SGCE: variants seen among roughly 807,000 people sequenced by gnomAD.
SGCE encodes epsilon-sarcoglycan.
Under a neutral mutation model 57.8 loss-of-function variants are expected in SGCE, and 26 were observed. The observed-to-expected ratio is 0.45, with a 90% CI of 0.33 to 0.62. The LOEUF (loss-of-function observed/expected upper bound fraction) is 0.62, where lower values mean the gene tolerates loss of function less well. Ranked by LOEUF, SGCE falls within the 20% of genes least tolerant of loss-of-function variation. The probability of loss-of-function intolerance (pLI) is 0.02; values close to 1 mark genes in which losing one functional copy is unlikely to be tolerated. For missense variants in SGCE, 468 were observed against 548.6 expected (o/e 0.85, Z 1.47); for synonymous variants, 183 against 189.5 (o/e 0.97, Z 0.28).
chr7:94,650,349 G>A lies in SGCE; in HGVS notation c.109+5641C>T, dbSNP rs139056087. ...AGCCCTAGGTACCCTCGGCATCCACGGCCACTCAGCCCCAGTAGCCTGCTT... is the reference window on the plus strand; with the variant it reads ...AGCCCTAGGTACCCTCGGCATCCACAGCCACTCAGCCCCAGTAGCCTGCTT... On this transcript the variant is annotated intron_variant, in intron 1 of 10. Transcript: ENST00000648936. 2.4e-3 allele frequency among the ~76,000 whole-genome samples: 367 copies of A among 152,230 alleles called. 1 individual carries two copies. Among genetic ancestry groups the A allele is most frequent in the Middle Eastern group, 0.01 (3 of 294 alleles).
chr7:94,585,610 CCATCTTCT>C, intron 10 of SGCE, 95 bp from the exon 11 acceptor site: 1 of 827,308 alleles, frequency 1.2e-6, no homozygotes, highest in Admixed American at 1.7e-5. Context: ...GAGAAAGTTT[CCATCTTCT>C]TAATACAATG....
At chr7:94,592,202 A>T (rs899937651) in intron 9 of SGCE, among the ~76,000 whole-genome samples, 6 of 152,198 alleles carry the variant, frequency 3.9e-5, no homozygotes, top group Admixed American at 2.0e-4. Context: ...CATATTTAAA[A>T]CTGTGTATTT....
chr7:94,609,990 G>A (rs1339811574), intron 5 of SGCE, among the ~76,000 whole-genome samples: 3 of 152,166 alleles, frequency 2.0e-5, no homozygotes, highest in African/African-American at 7.2e-5. Flanking sequence ...TAATTAAACC[G>A]TGGTACATCC....
At chr7:94,610,437 G>T (rs906447505) in intron 5 of SGCE, among the ~76,000 whole-genome samples, 3 of 152,104 alleles carry the variant, frequency 2.0e-5, no homozygotes, top group African/African-American at 4.8e-5. Context: ...GATAATGGGG[G>T]AGGCGATGCA....
intron 9 of SGCE, chr7:94,589,092 C>T: frequency 3.3e-6 from 1 of 305,602 alleles, no homozygotes; most frequent in East Asian, 7.3e-5. Flanking sequence ...AACACAGTGG[C>T]TTGTGCTCTT....
intron 4 of SGCE, 46 bp downstream of exon 4, chr7:94,623,279 A>T: frequency 8.3e-7 from 1 of 1,205,218 alleles, no homozygotes; most frequent in Non-Finnish European, 1.2e-6. Flanking sequence ...AACATAATGA[A>T]ATACTTCTTA....
chr7:94,628,482 A>G (rs1804124976), intron 2 of SGCE, 123 bp from the exon 3 acceptor site: 3 of 710,624 alleles, frequency 4.2e-6, no homozygotes, highest in Non-Finnish European at 7.1e-6. Context: ...CTAAATACAC[A>G]CATACAAAAC....
chr7:94,615,862 C>G (rs1801854048), intron 5 of SGCE, among the ~76,000 whole-genome samples: 1 of 152,182 alleles, frequency 6.6e-6, no homozygotes, highest in African/African-American at 2.4e-5. Flanking sequence ...AGCTTTATCC[C>G]AGGCTAAATA....
intron 5 of SGCE, among the ~76,000 whole-genome samples, chr7:94,609,988 C>T (rs1295673795): frequency 6.6e-6 from 1 of 152,146 alleles, no homozygotes; most frequent in Non-Finnish European, 1.5e-5. Context: ...GATAATTAAA[C>T]CGTGGTACAT....
At chr7:94,603,774 T>C (rs771579054) in intron 5 of SGCE, among the ~76,000 whole-genome samples, 1 of 152,188 alleles carries the variant, frequency 6.6e-6, no homozygotes, top group South Asian at 2.1e-4. Context: ...TATTTAGTAA[T>C]TACTATATTT....
chr7:94,646,314 A>G (rs902003487), intron 1 of SGCE, among the ~76,000 whole-genome samples: 1 of 152,268 alleles, frequency 6.6e-6, no homozygotes, highest in Non-Finnish European at 1.5e-5. Context: ...AATTGAGTGG[A>G]AAGTTAAACG....
intron 1 of SGCE, chr7:94,644,645 T>C (rs1225472711): frequency 1.6e-6 from 2 of 1,286,690 alleles, no homozygotes; most frequent in Non-Finnish European, 2.0e-6. Flanking sequence ...GTCCACTACT[T>C]CATTTGTCTC....
At chr7:94,608,385 A>G (rs1391592390) in intron 5 of SGCE, among the ~76,000 whole-genome samples, 1 of 152,204 alleles carries the variant, frequency 6.6e-6, no homozygotes, top group Non-Finnish European at 1.5e-5. Flanking sequence ...CAAGATCTGT[A>G]TGAGGAAGAC....
At chr7:94,641,249 G>A (rs1024771150) in intron 1 of SGCE, among the ~76,000 whole-genome samples, 4 of 152,168 alleles carry the variant, frequency 2.6e-5, no homozygotes, top group Admixed American at 2.6e-4. Flanking sequence ...AGTTACTGGT[G>A]ACTCCTTGAA....
Position 94,628,342 on chromosome 7 carries a change from G to A in SGCE, c.250C>T (p.Pro84Ser). The change falls in exon 3 of 11, where the codon CCC becomes TCC. Residue 84 changes from proline to serine, a missense_variant. By Grantham distance (74) the Pro-to-Ser change is moderately conservative. Coordinates refer to ENST00000648936, the MANE Select transcript of SGCE (RefSeq NM_003919.3). ...ATTAAATTTGTATTAAATGTTATGG[G>A]ATCATTACTAATCTCGCCTAGATAA... ...YPKPGEISND[P>S]ITFNTNLMGY... 1.2e-6 allele frequency: 2 copies of A among 1,609,712 alleles called. No individual in the cohort carries two copies. Among genetic ancestry groups the A allele is most frequent in the East Asian group, 2.2e-5 (1 of 44,800 alleles).
chr7:94,598,689 C>CAA, intron 9 of SGCE, 86 bp downstream of exon 9: 1 of 975,398 alleles, frequency 1.0e-6, no homozygotes, highest in Non-Finnish European at 1.7e-6. Flanking sequence ...AACAAACAAA[C>CAA]ACAACAACAG....
chr7:94,623,243 C>T lies in SGCE; in HGVS notation c.463+82G>A, dbSNP rs913392028. The T allele has an allele frequency of 7.1e-6, 6 of 846,210 alleles. No homozygotes were observed. The African/African-American group carries it at 1.0e-4, about 15-fold the overall frequency. The allele number at this position is 846,210 out of a possible 1,614,324, so 52.4% of individuals were successfully genotyped here. On this transcript the variant is annotated intron_variant, in intron 4 of 10. Coordinates refer to ENST00000648936, the MANE Select transcript of SGCE (RefSeq NM_003919.3). ...ATTAGGTATGTGGCATTTTAAAATT[C>T]TTGACTATATTTTATGTAGTTATAA... is the stretch of plus-strand genomic sequence containing the variant.
In SGCE at chr7:94,613,417, T is replaced by A. The variant is rs146870261; in HGVS notation, c.662+5341A>T. 9.3e-3 allele frequency among the ~76,000 whole-genome samples: 1,410 copies of A among 152,292 alleles called. 6 individuals carry two copies. The highest frequency in any genetic ancestry group is 0.016 in the Non-Finnish European group (1,092 of 68,008). ...TTTACCTTTATGACCCTAGCACATGTTTTCAAATTTCAAATGTGTATAAAC... is the reference window on the plus strand; with the variant it reads ...TTTACCTTTATGACCCTAGCACATGATTTCAAATTTCAAATGTGTATAAAC... On this transcript the variant is annotated intron_variant, in intron 5 of 10. Coordinates refer to ENST00000648936, the MANE Select transcript of SGCE (RefSeq NM_003919.3).
chr7:94,585,534 A>T lies in SGCE; in HGVS notation c.1298-19T>A. ...CATTTACCTGCAATGTGTAAGAATG[A>T]ATATGGGCAGGAGTTAGTCAGGGCA... is the stretch of plus-strand genomic sequence containing the variant. On this transcript the variant is annotated intron_variant, in intron 10 of 10. Transcript: ENST00000648936. 6.3e-7 allele frequency: 1 copy of T among 1,581,848 alleles called. No homozygotes were observed. Among genetic ancestry groups the T allele is most frequent in the South Asian group, 1.1e-5 (1 of 90,430 alleles).
Sources: allele counts gnomAD v4.1 joint callset (sites outside exome capture counted in the v4.1 genomes callset), GRCh38; gene constraint gnomAD v4.1.1; transcripts MANE v1.5; gene names NCBI Gene and HGNC (gene_info 2026-07-23, HGNC 2026-07-21).